Variants in MAP4K3 observed in about 807,000 individuals in gnomAD.
MAP4K3 encodes MAPK/ERK kinase kinase kinase 3.
In MAP4K3, 94 loss-of-function variants were observed where a neutral mutation model predicts 143.5. That is an observed-to-expected ratio of 0.65 (90% CI 0.55 to 0.78). MAP4K3 has a LOEUF of 0.78. Among genes scored for constraint, MAP4K3 ranks in the 30% least tolerant of loss-of-function variants. MAP4K3 has a pLI of 0.00. For missense variants in MAP4K3, 1,077 were observed against 1,068.1 expected (o/e 1.01, Z -0.12); for synonymous variants, 416 against 347.2 (o/e 1.20, Z -2.20).
At chr2:39,376,525 AT>A (rs1666223420) in intron 2 of MAP4K3, among the ~76,000 whole-genome samples, 1 of 152,176 alleles carries the variant, frequency 6.6e-6, no homozygotes, top group Non-Finnish European at 1.5e-5. Flanking sequence ...CAAGTTTTTA[AT>A]TTTTTAAGGA....
At chr2:39,266,807 C>A (rs535197156) in intron 27 of MAP4K3, among the ~76,000 whole-genome samples, 1 of 151,882 alleles carries the variant, frequency 6.6e-6, no homozygotes, top group South Asian at 2.1e-4. Flanking sequence ...CATAAAAATA[C>A]ATGCTGAAGG....
intron 1 of MAP4K3, among the ~76,000 whole-genome samples, chr2:39,393,682 T>A (rs1033667722): frequency 6.6e-6 from 1 of 152,136 alleles, no homozygotes; most frequent in South Asian, 2.1e-4. Context: ...TTTCTAGAAT[T>A]TGTGCCTATT....
At chr2:39,283,336 C>T (rs1450855088) in intron 21 of MAP4K3, among the ~76,000 whole-genome samples, 3 of 152,184 alleles carry the variant, frequency 2.0e-5, no homozygotes, top group African/African-American at 4.8e-5. Context: ...TAGTAAAAAA[C>T]CTTTTCTCCT....
chr2:39,366,660 C>A (rs1427535753), intron 2 of MAP4K3, among the ~76,000 whole-genome samples: 1 of 152,036 alleles, frequency 6.6e-6, no homozygotes, highest in Admixed American at 6.6e-5. Context: ...GGTTGGGAGG[C>A]CTTGGAACTT....
intron 1 of MAP4K3, among the ~76,000 whole-genome samples, chr2:39,391,850 C>T (rs983655300): frequency 6.6e-6 from 1 of 152,000 alleles, no homozygotes; most frequent in African/African-American, 2.4e-5. Context: ...TGCTCGTAAT[C>T]TCGCTGGTAC....
intron 1 of MAP4K3, among the ~76,000 whole-genome samples, chr2:39,384,763 ATTT>A (rs1220680189): frequency 6.6e-6 from 1 of 152,192 alleles, no homozygotes; most frequent in African/African-American, 2.4e-5. Context: ...GGAGTTTTTA[ATTT>A]TTTTAACTAC....
chr2:39,334,621 C>T (rs866220487), intron 6 of MAP4K3, among the ~76,000 whole-genome samples: 51 of 152,260 alleles, frequency 3.3e-4, no homozygotes, highest in Middle Eastern at 3.4e-3. Flanking sequence ...TCAGAGGCTT[C>T]AGTTTGGCCT....
At chr2:39,340,135 G>T (rs1665097754) in intron 4 of MAP4K3, among the ~76,000 whole-genome samples, 1 of 152,094 alleles carries the variant, frequency 6.6e-6, no homozygotes, top group Admixed American at 6.6e-5. Flanking sequence ...ATTATTAAAA[G>T]AACTTCCCCT....
At chr2:39,278,339 T>G in intron 24 of MAP4K3, 68 bp downstream of exon 24, 1 of 869,598 alleles carries the variant, frequency 1.1e-6, no homozygotes, top group Non-Finnish European at 1.8e-6. Flanking sequence ...TGAACCTTAT[T>G]TCTGGTCTAA....
At chr2:39,304,991 A>T (rs1004076458) in intron 15 of MAP4K3, among the ~76,000 whole-genome samples, 1 of 152,218 alleles carries the variant, frequency 6.6e-6, no homozygotes, top group African/African-American at 2.4e-5. Flanking sequence ...CCATTTATAC[A>T]AGATAACTAG....
intron 2 of MAP4K3, among the ~76,000 whole-genome samples, chr2:39,358,191 G>A (rs754828148): frequency 6.6e-6 from 1 of 152,290 alleles, no homozygotes; most frequent in African/African-American, 2.4e-5. Flanking sequence ...ATAACTATAA[G>A]CATCATAACT....
At chr2:39,282,861 A>T (rs1681597224) in intron 21 of MAP4K3, among the ~76,000 whole-genome samples, 1 of 152,212 alleles carries the variant, frequency 6.6e-6, no homozygotes, top group Non-Finnish European at 1.5e-5. Flanking sequence ...CATAGAAAAT[A>T]GTGTTTGTGT....
chr2:39,380,411 GGTAAATTTA>G (rs1666329114), intron 1 of MAP4K3, among the ~76,000 whole-genome samples: 1 of 151,896 alleles, frequency 6.6e-6, no homozygotes, highest in African/African-American at 2.4e-5. Flanking sequence ...TACACACAAA[GGTAAATTTA>G]AAAGTCAATA....
At chr2:39,419,047 G>A (rs1442709668) in intron 1 of MAP4K3, among the ~76,000 whole-genome samples, 3 of 152,052 alleles carry the variant, frequency 2.0e-5, no homozygotes, top group African/African-American at 7.2e-5. Context: ...GAGTCTTTGT[G>A]ACTTTTTGTA....
At chr2:39,290,018 A>T (rs1019828321) in intron 19 of MAP4K3, among the ~76,000 whole-genome samples, 3 of 147,632 alleles carry the variant, frequency 2.0e-5, no homozygotes, top group Non-Finnish European at 4.4e-5. Flanking sequence ...ACCCGAGAGG[A>T]GGAGGCTGCA....
intron 1 of MAP4K3, among the ~76,000 whole-genome samples, chr2:39,428,781 G>A (rs1355299356): frequency 6.6e-6 from 1 of 150,768 alleles, no homozygotes; most frequent in Admixed American, 6.6e-5. Context: ...ATTAAAAGGA[G>A]TCCATGGGCC....
At chr2:39,399,717 C>T (rs1666903133) in intron 1 of MAP4K3, among the ~76,000 whole-genome samples, 1 of 152,164 alleles carries the variant, frequency 6.6e-6, no homozygotes, top group Non-Finnish European at 1.5e-5. Flanking sequence ...GAATCTAAGT[C>T]ACAGCCATAT....
At chr2:39,417,195 G>A (rs914352111) in intron 1 of MAP4K3, among the ~76,000 whole-genome samples, 2 of 151,582 alleles carry the variant, frequency 1.3e-5, no homozygotes, top group African/African-American at 2.4e-5. Context: ...ATACCAGGCA[G>A]TGAAAGCCAG....
chr2:39,367,094 TAG>T (rs1204575865), intron 2 of MAP4K3, among the ~76,000 whole-genome samples: 19 of 152,184 alleles, frequency 1.2e-4, no homozygotes, highest in Non-Finnish European at 2.9e-5. Flanking sequence ...AAAAATAACT[TAG>T]AGTCTATTTA....
Sources: allele counts gnomAD v4.1 joint callset (sites outside exome capture counted in the v4.1 genomes callset), GRCh38; gene constraint gnomAD v4.1.1; transcripts MANE v1.5; gene names NCBI Gene and HGNC (gene_info 2026-07-23, HGNC 2026-07-21).